ALCAM: variants seen among roughly 807,000 people sequenced by gnomAD.
The protein encoded by ALCAM is CD166 antigen.
ALCAM carries 30 observed loss-of-function variants against 70.9 expected under a neutral mutation model. The ratio of observed to expected loss-of-function variants is 0.42; its 90% CI spans 0.32 to 0.57. ALCAM has a LOEUF of 0.57. Among genes scored for constraint, ALCAM ranks in the 20% least tolerant of loss-of-function variants. The probability of loss-of-function intolerance (pLI) is 0.11; values close to 1 mark genes in which losing one functional copy is unlikely to be tolerated. For synonymous variants in ALCAM, 249 were observed against 242.5 expected, an observed-to-expected ratio of 1.03 and a Z score of -0.25; for missense variants, 591 against 695.1, an observed-to-expected ratio of 0.85 and a Z score of 1.68.
At chr3:105,436,027 G>T (rs1937041351) in intron 1 of ALCAM, among the ~76,000 whole-genome samples, 1 of 152,170 alleles carries the variant, frequency 6.6e-6, no homozygotes. Context: ...GGCAGGCAAA[G>T]AGAGAGCTTG....
At chr3:105,564,156 T>A (rs1940693361) in intron 14 of ALCAM, among the ~76,000 whole-genome samples, 1 of 152,186 alleles carries the variant, frequency 6.6e-6, no homozygotes, top group Non-Finnish European at 1.5e-5. Flanking sequence ...TAGTGTTGTA[T>A]AATTGTCATT....
intron 1 of ALCAM, among the ~76,000 whole-genome samples, chr3:105,517,246 G>A (rs189308741): frequency 1.3e-4 from 20 of 152,244 alleles, no homozygotes; most frequent in African/African-American, 4.1e-4. Context: ...GAAGAGAGAA[G>A]TTGATTATTA....
rs546090282 is a variant in ALCAM, at chr3:105,425,943, C to T, written c.73+58462C>T. ...ACAGGCGCTCTTTCAAATGGAGATG[C>T]TTACATGATTTCATGTATATTCTTA... On this transcript the variant is annotated intron_variant, in intron 1 of 15. Coordinates refer to ENST00000306107, the MANE Select transcript of ALCAM (RefSeq NM_001627.4). Among the ~76,000 whole-genome samples the T allele has an allele frequency of 9.2e-5, 14 of 151,880 alleles. No individual in the cohort carries two copies. The South Asian group carries it at 2.5e-3, about 27-fold the overall frequency.
At chr3:105,378,412 C>T (rs1187213457) in intron 1 of ALCAM, among the ~76,000 whole-genome samples, 1 of 151,866 alleles carries the variant, frequency 6.6e-6, no homozygotes, top group Non-Finnish European at 1.5e-5. Context: ...AGCATTTTCC[C>T]TACCTGGTGA....
chr3:105,443,442 A>G (rs1937223123), intron 1 of ALCAM, among the ~76,000 whole-genome samples: 1 of 152,230 alleles, frequency 6.6e-6, no homozygotes, highest in African/African-American at 2.4e-5. Context: ...AAAAGCTGAA[A>G]AAAATATTGA....
intron 1 of ALCAM, among the ~76,000 whole-genome samples, chr3:105,387,252 A>T (rs982615517): frequency 6.6e-6 from 1 of 151,558 alleles, no homozygotes; most frequent in South Asian, 2.1e-4. Flanking sequence ...ACACACACAC[A>T]CTCACACACA....
At chr3:105,536,303 A>T (rs951569768) in intron 6 of ALCAM, among the ~76,000 whole-genome samples, 1 of 152,120 alleles carries the variant, frequency 6.6e-6, no homozygotes, top group Non-Finnish European at 1.5e-5. Context: ...CATGTTGGTC[A>T]GGTTGGTCTC....
chr3:105,508,420 G>A (rs534344436), intron 1 of ALCAM, among the ~76,000 whole-genome samples: 4 of 152,152 alleles, frequency 2.6e-5, no homozygotes, highest in African/African-American at 9.6e-5. Flanking sequence ...TTTCCTATTG[G>A]TAAAATGAAG....
chr3:105,575,986 C>G lies in ALCAM; in HGVS notation c.*1535C>G, dbSNP rs533596576. The G allele has an allele frequency of 1.3e-5, 2 of 152,250 alleles. No individual in the cohort carries two copies. Among genetic ancestry groups the G allele is most frequent in the East Asian group, 3.9e-4 (2 of 5,186 alleles). 9.4% of individuals were successfully genotyped at this position (152,250 alleles called of 1,614,324 possible). A position where few individuals can be genotyped will look rare whatever the true frequency, so the allele number is the denominator to read the frequency against. On this transcript the variant is annotated 3_prime_UTR_variant, in exon 16 of 16. Coordinates refer to ENST00000306107, the MANE Select transcript of ALCAM (RefSeq NM_001627.4). ...TTGCCACTTCTGCATTATTTAGAAA[C>G]ATACGTTATTGTACATTTGTAAACC... is the stretch of plus-strand genomic sequence containing the variant.
At chr3:105,495,455 A>G (rs1411720178) in intron 1 of ALCAM, among the ~76,000 whole-genome samples, 2 of 152,166 alleles carry the variant, frequency 1.3e-5, no homozygotes, top group Non-Finnish European at 2.9e-5. Flanking sequence ...AAAAAACAAA[A>G]CAAAACATGA....
intron 1 of ALCAM, among the ~76,000 whole-genome samples, chr3:105,456,931 G>A (rs1395291400): frequency 1.3e-5 from 2 of 152,130 alleles, no homozygotes; most frequent in African/African-American, 4.8e-5. Context: ...TTAAATTAAT[G>A]TACGTTTTTA....
rs368014063 is a variant in ALCAM, at chr3:105,518,831, A to C, written c.74-1236A>C. 1.4e-4 allele frequency among the ~76,000 whole-genome samples: 22 copies of C among 152,194 alleles called. No homozygotes were observed. The East Asian group carries it at 2.3e-3, about 16-fold the overall frequency. ...ACTAGTTGTTATGTTGCATATTTAC[A>C]TGAAGTGTGTGTTCTTTGTTATGTT... On this transcript the variant is annotated intron_variant, in intron 1 of 15. Transcript: ENST00000306107.
At chr3:105,461,514 T>A (rs1937604894) in intron 1 of ALCAM, among the ~76,000 whole-genome samples, 1 of 151,826 alleles carries the variant, frequency 6.6e-6, no homozygotes, top group South Asian at 2.1e-4. Flanking sequence ...TGTCAATGGA[T>A]AAACTTGTAA....
chr3:105,423,630 A>T (rs1936722912), intron 1 of ALCAM, among the ~76,000 whole-genome samples: 1 of 151,536 alleles, frequency 6.6e-6, no homozygotes, highest in Non-Finnish European at 1.5e-5. Context: ...TGAGTATTAA[A>T]TTCTTTGAGT....
At chr3:105,568,040 T>A (rs995135993) in intron 14 of ALCAM, among the ~76,000 whole-genome samples, 1 of 144,986 alleles carries the variant, frequency 6.9e-6, no homozygotes, top group Non-Finnish European at 1.5e-5. Context: ...TATTTTATTT[T>A]TTTTATTATT....
chr3:105,490,557 G>A (rs988688202), intron 1 of ALCAM, among the ~76,000 whole-genome samples: 3 of 152,160 alleles, frequency 2.0e-5, no homozygotes, highest in Non-Finnish European at 4.4e-5. Flanking sequence ...GTGCATGTGT[G>A]TTGTTTGTGT....
chr3:105,538,889 A>G (rs1940042889), intron 6 of ALCAM, among the ~76,000 whole-genome samples: 3 of 152,184 alleles, frequency 2.0e-5, no homozygotes, highest in Non-Finnish European at 2.9e-5. Flanking sequence ...CATAGAGAAA[A>G]GGCAAAGAAA....
At chr3:105,460,058 T>C (rs1278103166) in intron 1 of ALCAM, among the ~76,000 whole-genome samples, 1 of 152,020 alleles carries the variant, frequency 6.6e-6, no homozygotes, top group Non-Finnish European at 1.5e-5. Flanking sequence ...ATCAGAACTG[T>C]GTTTGGGGAA....
At chr3:105,512,485 A>G (rs562685743) in intron 1 of ALCAM, among the ~76,000 whole-genome samples, 54 of 152,088 alleles carry the variant, frequency 3.6e-4, no homozygotes, top group Non-Finnish European at 4.4e-5. Flanking sequence ...AGTAGAACTG[A>G]TACTCTGAAA....
Sources: gnomAD v4.1 joint callset for allele counts (sites outside exome capture counted in the v4.1 genomes callset) on GRCh38, gnomAD v4.1.1 for gene constraint, MANE v1.5 for transcripts, NCBI Gene and HGNC (gene_info 2026-07-23, HGNC 2026-07-21) for gene names.